SPTLC2: variants seen among roughly 807,000 people sequenced by gnomAD.
The protein encoded by SPTLC2 is serine palmitoyltransferase long chain base subunit 2, also known as serine palmitoyltransferase 2.
SPTLC2 carries 21 observed loss-of-function variants against 62.0 expected under a neutral mutation model. That is an observed-to-expected ratio of 0.34 (90% CI 0.24 to 0.49). SPTLC2 has a LOEUF of 0.49. Ranked by LOEUF, SPTLC2 falls within the 20% of genes least tolerant of loss-of-function variation. The probability of loss-of-function intolerance (pLI) is 0.99; values close to 1 mark genes in which losing one functional copy is unlikely to be tolerated. For missense variants in SPTLC2, 511 were observed against 713.0 expected, an observed-to-expected ratio of 0.72 and a Z score of 3.23; for synonymous variants, 261 against 261.8, an observed-to-expected ratio of 1.00 and a Z score of 0.03.
At chr14:77,588,836 A>G (rs1338480466) in intron 2 of SPTLC2, among the ~76,000 whole-genome samples, 1 of 151,988 alleles carries the variant, frequency 6.6e-6, no homozygotes, top group Non-Finnish European at 1.5e-5. Flanking sequence ...CTCTACAACA[A>G]AACACAAAAA....
chr14:77,609,451 G>A (rs1478364372), intron 1 of SPTLC2, among the ~76,000 whole-genome samples: 2 of 152,084 alleles, frequency 1.3e-5, no homozygotes, highest in South Asian at 2.1e-4. Context: ...TATAAATAAC[G>A]TGGGGCTAGA....
chr14:77,533,492 G>A (rs563615279), intron 9 of SPTLC2, among the ~76,000 whole-genome samples: 13 of 152,224 alleles, frequency 8.5e-5, no homozygotes, highest in East Asian at 1.9e-4. Flanking sequence ...TACCAAATTA[G>A]AATGTTTTGA....
intron 1 of SPTLC2, among the ~76,000 whole-genome samples, chr14:77,615,737 G>A (rs2079962988): frequency 6.6e-6 from 1 of 152,192 alleles, no homozygotes; most frequent in African/African-American, 2.4e-5. Context: ...TAGAGTCATC[G>A]CAAGTCACCA....
chr14:77,597,467 T>A (rs1356299390), intron 1 of SPTLC2, 87 bp from the exon 2 acceptor site: 10 of 1,295,830 alleles, frequency 7.7e-6, no homozygotes, highest in South Asian at 1.2e-5. Flanking sequence ...ATTTGCTGAA[T>A]TATACCTTAA....
intron 9 of SPTLC2, among the ~76,000 whole-genome samples, chr14:77,529,874 G>C (rs8004174): frequency 0.025 from 3,738 of 151,692 alleles, 145 homozygotes; most frequent in African/African-American, 0.086. Flanking sequence ...CCACCTGCCT[G>C]GCCCAGTAAA....
chr14:77,556,916 T>C, intron 7 of SPTLC2, 125 bp downstream of exon 7: 1 of 745,166 alleles, frequency 1.3e-6, no homozygotes, highest in Non-Finnish European at 2.3e-6. Context: ...CCAGGTATTT[T>C]AGCGACTTAT....
chr14:77,511,610 T>C lies in SPTLC2; in HGVS notation c.*674A>G, dbSNP rs962058704. 2 of 154,968 alleles carry C rather than the reference T, an allele frequency of 1.3e-5. No individual in the cohort carries two copies. Among genetic ancestry groups the C allele is most frequent in the African/African-American group, 2.4e-5 (1 of 41,420 alleles). 9.6% of individuals were successfully genotyped at this position (154,968 alleles called of 1,614,324 possible). The stretch of plus-strand genomic sequence containing the variant: ...GCGCACATCCTCAGACTGTGACCAT[T>C]ATGAAGAAGTATTTGATGGTAAAGG... On this transcript the variant is annotated 3_prime_UTR_variant, in exon 12 of 12. Transcript: ENST00000216484.
intron 1 of SPTLC2, among the ~76,000 whole-genome samples, chr14:77,612,420 A>G (rs2079943091): frequency 6.6e-6 from 1 of 152,224 alleles, no homozygotes; most frequent in African/African-American, 2.4e-5. Flanking sequence ...TATCTCAAAT[A>G]ACTCTGGAAT....
chr14:77,543,375 G>C (rs1260789146), intron 9 of SPTLC2, among the ~76,000 whole-genome samples: 2 of 151,680 alleles, frequency 1.3e-5, no homozygotes, highest in African/African-American at 4.9e-5. Context: ...AGGCTACTCT[G>C]AGACAAAGAG....
At chr14:77,582,933 T>C (rs1330357839) in intron 2 of SPTLC2, among the ~76,000 whole-genome samples, 2 of 152,164 alleles carry the variant, frequency 1.3e-5, no homozygotes, top group African/African-American at 4.8e-5. Flanking sequence ...CTGGGCGCAG[T>C]GGCTCACGCC....
intron 6 of SPTLC2, chr14:77,557,470 A>G: frequency 2.8e-6 from 1 of 356,468 alleles, no homozygotes; most frequent in South Asian, 3.0e-5. Flanking sequence ...GTTTATCGAA[A>G]AATACAGAAT....
At position 77,536,604 on chromosome 14, in the gene SPTLC2, TC is replaced by T. The variant is rs2079472357; in HGVS notation, c.1304-15024del. 2.0e-5 allele frequency among the ~76,000 whole-genome samples: 3 copies of T among 152,158 alleles called. No homozygotes were observed. The East Asian group carries it at 5.8e-4, about 29-fold the overall frequency. ...CAATACCCCTTTTCATCCTAGTCCT[TC>T]CAGCCTATAGGCCGAGTTTAAGCAA... On this transcript the variant is annotated intron_variant, in intron 9 of 11. Transcript: ENST00000216484.
At chr14:77,580,212 C>T (rs1346002507) in intron 2 of SPTLC2, among the ~76,000 whole-genome samples, 3 of 152,088 alleles carry the variant, frequency 2.0e-5, no homozygotes, top group Non-Finnish European at 4.4e-5. Context: ...GTAGCTCACA[C>T]CTGTAATCCC....
chr14:77,536,904 T>C (rs1240850106), intron 9 of SPTLC2, among the ~76,000 whole-genome samples: 1 of 152,004 alleles, frequency 6.6e-6, no homozygotes, highest in Non-Finnish European at 1.5e-5. Context: ...TTTCTACCAA[T>C]GTCTATGTAT....
At chr14:77,586,001 G>C (rs2079778830) in intron 2 of SPTLC2, among the ~76,000 whole-genome samples, 1 of 151,976 alleles carries the variant, frequency 6.6e-6, no homozygotes, top group Non-Finnish European at 1.5e-5. Context: ...GCACAGCCAA[G>C]GTGGAAAAGT....
chr14:77,521,226 GC>G (rs35935659), intron 10 of SPTLC2, among the ~76,000 whole-genome samples: 39 of 152,124 alleles, frequency 2.6e-4, no homozygotes, highest in African/African-American at 9.2e-4. Context: ...TCTATCCCAG[GC>G]CCCTAGAGAG....
intron 9 of SPTLC2, among the ~76,000 whole-genome samples, chr14:77,544,139 T>C (rs1008826730): frequency 1.3e-5 from 2 of 152,138 alleles, no homozygotes; most frequent in African/African-American, 4.8e-5. Context: ...CCCAAGTAGC[T>C]AGGATTACAG....
intron 4 of SPTLC2, among the ~76,000 whole-genome samples, chr14:77,573,423 T>A (rs1037360060): frequency 1.3e-5 from 2 of 152,060 alleles, no homozygotes; most frequent in Non-Finnish European, 2.9e-5. Context: ...ATTCTATACA[T>A]GTAACAACAC....
At chr14:77,540,205 C>CAAAAAAAAAAA (rs34847653) in intron 9 of SPTLC2, among the ~76,000 whole-genome samples, 7 of 87,680 alleles carry the variant, frequency 8.0e-5, no homozygotes, top group African/African-American at 8.6e-5. Flanking sequence ...ACTCTTGTCT[C>CAAAAAAAAAAA]AAAAAAAAAA....
Sources: allele counts gnomAD v4.1 joint callset (sites outside exome capture counted in the v4.1 genomes callset), GRCh38; gene constraint gnomAD v4.1.1; transcripts MANE v1.5; gene names NCBI Gene and HGNC (gene_info 2026-07-23, HGNC 2026-07-21).